The following ZNF503 variants were observed in gnomAD, a reference collection of about 807,000 sequenced individuals.
ZNF503 encodes the protein NocA-like zinc finger 2.
Under a neutral mutation model 34.4 loss-of-function variants are expected in ZNF503, and 15 were observed. The observed-to-expected ratio is 0.44, with a 90% confidence interval of 0.29 to 0.67. The LOEUF is 0.67. Ranked by LOEUF, ZNF503 falls within the 30% of genes least tolerant of loss-of-function variation. The pLI, the probability that ZNF503 is intolerant of heterozygous loss-of-function variation, is 0.13. For missense variants in ZNF503, 1,007 were observed against 926.8 expected (o/e 1.09, Z -1.12); for synonymous variants, 580 against 456.8 (o/e 1.27, Z -3.44).
the ZNF503 span, chr10:75,288,701 C>T: frequency 2.6e-5 from 4 of 152,360 alleles, no homozygotes; most frequent in African/African-American, 9.7e-5. Flanking sequence ...GACTCAGAAC[C>T]TGTGATGATG....
chr10:75,390,388 TTCCTCCCCC>T, the ZNF503 span, among the ~76,000 whole-genome samples: 111 of 149,854 alleles, frequency 7.4e-4, no homozygotes, highest in Admixed American at 1.1e-3. Context: ...CTTCCTCCTC[TTCCTCCCCC>T]TCCTCCTCTT....
In ZNF503 at chr10:75,399,239, G is replaced by A; in HGVS notation, c.1451C>T (p.Ala484Val). The A allele has an allele frequency of 6.3e-7, 1 of 1,590,758 alleles. No homozygotes were observed. Among genetic ancestry groups the A allele is most frequent in the East Asian group, 2.3e-5 (1 of 44,406 alleles). ...CGGTGTGGCGCCAGCAGCCGCGGCG[G>A]CCGTTAGCGAGGAGTGCACACCGTG... ...PLHGVHSSLT[A>V]AAAAGATPPS... The change falls in exon 2 of 2, where the codon GCC becomes GTC. Residue 484 changes from alanine to valine, a missense_variant. By Grantham distance (64) the Ala-to-Val change is moderately conservative. Transcript: ENST00000372524.
the ZNF503 span, among the ~76,000 whole-genome samples, chr10:75,300,903 A>T: frequency 2.0e-5 from 3 of 151,594 alleles, no homozygotes; most frequent in Non-Finnish European, 4.4e-5. Context: ...ATGGGGTTTC[A>T]CTATGTTGGC....
At chr10:75,302,204 C>G in the ZNF503 span, among the ~76,000 whole-genome samples, 1 of 152,160 alleles carries the variant, frequency 6.6e-6, no homozygotes, top group African/African-American at 2.4e-5. Flanking sequence ...TGTCTCTGGC[C>G]TCCGTTGTTT....
At chr10:75,343,832 A>G in the ZNF503 span, among the ~76,000 whole-genome samples, 3 of 152,338 alleles carry the variant, frequency 2.0e-5, no homozygotes, top group South Asian at 4.2e-4. Flanking sequence ...GAGCCCTGAA[A>G]GAAAACCCAG....
chr10:75,313,115 T>A, the ZNF503 span, among the ~76,000 whole-genome samples: 1 of 152,212 alleles, frequency 6.6e-6, no homozygotes, highest in Non-Finnish European at 1.5e-5. Context: ...GCCTCGGGTA[T>A]GTCTTTATTC....
chr10:75,353,222 C>T, the ZNF503 span, among the ~76,000 whole-genome samples: 5 of 152,216 alleles, frequency 3.3e-5, no homozygotes, highest in Non-Finnish European at 7.3e-5. Flanking sequence ...TATCCATGCA[C>T]AGGGCTAGCT....
At position 75,399,054 on chromosome 10, in the gene ZNF503, G is replaced by C. The variant is rs1273847037; in HGVS notation, c.1636C>G (p.Pro546Ala). The C allele has an allele frequency of 6.2e-7, 1 of 1,612,992 alleles. No individual in the cohort carries two copies. The highest frequency in any genetic ancestry group is 1.3e-5 in the African/African-American group (1 of 74,932). ...LSHLRTHTAF[P>A]GTDKLLSGYP... is the part of the protein sequence containing the mutation. ...CCCGACAGCAGTTTGTCTGTCCCGG[G>C]AAATGCCGTATGGGTCCGCAAGTGG... The change falls in exon 2 of 2, where the codon CCC becomes GCC. Residue 546 changes from proline to alanine, a missense_variant. Pro to Ala is a conservative substitution (Grantham distance 27). Transcript: ENST00000372524.
chr10:75,283,182 T>C, the ZNF503 span: 1 of 152,206 alleles, frequency 6.6e-6, no homozygotes, highest in Non-Finnish European at 1.5e-5. Flanking sequence ...CTTTGCACAT[T>C]AGTGCGTTTC....
chr10:75,295,824 G>A, the ZNF503 span: 1 of 152,096 alleles, frequency 6.6e-6, no homozygotes, highest in African/African-American at 2.4e-5. This position sits in a 1 kb window ranked among gnomAD's most constrained non-coding sequence, Gnocchi z 4.0. Flanking sequence ...AGAACATTTT[G>A]TTTCCTACTG....
At chr10:75,381,701 G>A in the ZNF503 span, among the ~76,000 whole-genome samples, 3 of 151,580 alleles carry the variant, frequency 2.0e-5, no homozygotes, top group Non-Finnish European at 4.4e-5. Context: ...GCCAATCCTG[G>A]GCTGCCTCCA....
chr10:75,293,441 C>G, the ZNF503 span, among the ~76,000 whole-genome samples: 1 of 152,158 alleles, frequency 6.6e-6, no homozygotes, highest in Non-Finnish European at 1.5e-5. Flanking sequence ...GGAGACGTTG[C>G]CTCAGCAGAT....
At chr10:75,354,165 G>A in the ZNF503 span, among the ~76,000 whole-genome samples, 1 of 152,340 alleles carries the variant, frequency 6.6e-6, no homozygotes, top group Admixed American at 6.5e-5. Flanking sequence ...GGAAAATGCA[G>A]CAGGTGGCTG....
the ZNF503 span, among the ~76,000 whole-genome samples, chr10:75,367,251 A>C: frequency 2.0e-5 from 3 of 151,096 alleles, no homozygotes; most frequent in Non-Finnish European, 2.9e-5. Context: ...CTGTGATGAG[A>C]CCTCCCTCTC....
downstream of ZNF503, among the ~76,000 whole-genome samples, chr10:75,395,740 C>G (rs1049308315): frequency 1.4e-4 from 21 of 152,372 alleles, no homozygotes; most frequent in African/African-American, 5.0e-4. This position sits in a 1 kb window ranked among gnomAD's most constrained non-coding sequence, Gnocchi z 4.4. Context: ...GTCCTCACCC[C>G]CGGGCGCCCC....
chr10:75,288,900 G>C, the ZNF503 span, among the ~76,000 whole-genome samples: 1 of 152,174 alleles, frequency 6.6e-6, no homozygotes, highest in Non-Finnish European at 1.5e-5. Flanking sequence ...CCTGCACCAG[G>C]TACAGTAGGG....
At chr10:75,284,941 T>TA in the ZNF503 span, among the ~76,000 whole-genome samples, 1 of 152,216 alleles carries the variant, frequency 6.6e-6, no homozygotes, top group Admixed American at 6.5e-5. Flanking sequence ...TTTGAGTGCC[T>TA]ACCTAACAGA....
the ZNF503 span, chr10:75,295,508 A>G: frequency 6.6e-6 from 1 of 152,228 alleles, no homozygotes; most frequent in Admixed American, 6.5e-5. This position sits in a 1 kb window ranked among gnomAD's most constrained non-coding sequence, Gnocchi z 4.0. Flanking sequence ...TTGGAACATG[A>G]AAAACAGCAC....
the ZNF503 span, among the ~76,000 whole-genome samples, chr10:75,366,251 T>C: frequency 7.9e-5 from 12 of 152,360 alleles, no homozygotes; most frequent in South Asian, 2.1e-3. Context: ...CTATATCCTA[T>C]TGGGGATTCT....
Sources: gnomAD v4.1 joint callset for allele counts (sites outside exome capture counted in the v4.1 genomes callset) on GRCh38, gnomAD v4.1.1 for gene constraint, Gnocchi (gnomAD v3.1) non-coding constraint, MANE v1.5 for transcripts, NCBI Gene and HGNC (gene_info 2026-07-23, HGNC 2026-07-21) for gene names.